Variants in SLC44A1 observed in about 807,000 individuals in gnomAD.
SLC44A1 encodes the protein choline transporter-like protein 1.
Under a neutral mutation model 79.3 loss-of-function variants are expected in SLC44A1, and 26 were observed. The ratio of observed to expected loss-of-function variants is 0.33; its 90% CI spans 0.24 to 0.46. SLC44A1 has a LOEUF of 0.46. Ranked by LOEUF, SLC44A1 falls within the 20% of genes least tolerant of loss-of-function variation. The probability of loss-of-function intolerance (pLI) is 1.00; values close to 1 mark genes in which losing one functional copy is unlikely to be tolerated. For synonymous variants in SLC44A1, 263 were observed against 286.2 expected (o/e 0.92, Z 0.82); for missense variants, 688 against 798.1 (o/e 0.86, Z 1.66).
At chr9:105,313,230 G>A (rs1056375567) in intron 3 of SLC44A1, among the ~76,000 whole-genome samples, 1 of 152,136 alleles carries the variant, frequency 6.6e-6, no homozygotes, top group South Asian at 2.1e-4. Context: ...TTACCTGAAC[G>A]TCCCTATATT....
chr9:105,257,676 A>G (rs1193047346), intron 1 of SLC44A1, among the ~76,000 whole-genome samples: 2 of 152,242 alleles, frequency 1.3e-5, no homozygotes, highest in African/African-American at 2.4e-5. Context: ...CCTGAAAATG[A>G]TTCTCCAGCA....
chr9:105,433,097 A>G (rs1308377926), intron 15 of SLC44A1, among the ~76,000 whole-genome samples: 1 of 152,066 alleles, frequency 6.6e-6, no homozygotes, highest in East Asian at 1.9e-4. Flanking sequence ...GGAGTTCAAG[A>G]CCAGCCTGGC....
intron 1 of SLC44A1, among the ~76,000 whole-genome samples, chr9:105,292,089 C>T (rs571157519): frequency 9.9e-5 from 15 of 152,242 alleles, no homozygotes; most frequent in Admixed American, 6.5e-4. Flanking sequence ...ACTTCTCTTC[C>T]CTGGGACCAG....
intron 15 of SLC44A1, among the ~76,000 whole-genome samples, chr9:105,426,545 G>A (rs894484989): frequency 6.6e-6 from 1 of 152,166 alleles, no homozygotes; most frequent in Non-Finnish European, 1.5e-5. Flanking sequence ...GCTTTTAGGA[G>A]TGAGTTATCA....
At chr9:105,419,914 CAAAA>C (rs59244219) in intron 15 of SLC44A1, among the ~76,000 whole-genome samples, 16 of 53,444 alleles carry the variant, frequency 3.0e-4, no homozygotes, top group Non-Finnish European at 4.8e-4. Flanking sequence ...AACTCTGTCT[CAAAA>C]AAAAAAAAAA....
In SLC44A1 at chr9:105,362,805, C is replaced by A; in HGVS notation, c.901-16C>A. ...CACTACTTATAATAATAACTGAAAC[C>A]ATTCTCTCCATACAGGTGATCTTAT... On this transcript the variant is annotated splice_polypyrimidine_tract_variant and intron_variant, in intron 8 of 15. Transcript: ENST00000374720. 2.0e-6 allele frequency: 3 copies of A among 1,515,558 alleles called. No homozygotes were observed. Among genetic ancestry groups the A allele is most frequent in the Admixed American group, 2.3e-5 (1 of 44,410 alleles). 93.9% of individuals were successfully genotyped at this position (1,515,558 alleles called of 1,614,324 possible).
At chr9:105,413,547 C>G (rs1829126402) in intron 15 of SLC44A1, among the ~76,000 whole-genome samples, 1 of 152,244 alleles carries the variant, frequency 6.6e-6, no homozygotes, top group African/African-American at 2.4e-5. Context: ...TAGAAGGAGC[C>G]TGGTTCCCAG....
At chr9:105,398,478 T>A (rs1828915358), downstream of SLC44A1, among the ~76,000 whole-genome samples, 1 of 152,176 alleles carries the variant, frequency 6.6e-6, no homozygotes, top group South Asian at 2.1e-4. Flanking sequence ...CAGATTTACG[T>A]AATTTCTATT....
At chr9:105,275,145 AGT>A in intron 1 of SLC44A1, among the ~76,000 whole-genome samples, 1 of 152,346 alleles carries the variant, frequency 6.6e-6, no homozygotes, top group African/African-American at 2.4e-5. Context: ...GCTTGGAGCT[AGT>A]CTTGACAGGA....
At chr9:105,346,371 G>A (rs1218698887) in intron 4 of SLC44A1, among the ~76,000 whole-genome samples, 1 of 152,064 alleles carries the variant, frequency 6.6e-6, no homozygotes, top group African/African-American at 2.4e-5. Flanking sequence ...AAGAAGGGGT[G>A]GGGATAGAGA....
chr9:105,413,397 C>G (rs563253542), intron 15 of SLC44A1, among the ~76,000 whole-genome samples: 1 of 152,300 alleles, frequency 6.6e-6, no homozygotes, highest in Admixed American at 6.5e-5. Context: ...TTTCGCCTTC[C>G]CAATATAGGT....
chr9:105,270,642 T>G (rs892758909), intron 1 of SLC44A1, among the ~76,000 whole-genome samples: 1 of 152,006 alleles, frequency 6.6e-6, no homozygotes, highest in African/African-American at 2.4e-5. Context: ...ACTTCCTCCC[T>G]CAGTTCTACA....
chr9:105,426,999 G>A (rs1829331015), intron 15 of SLC44A1, among the ~76,000 whole-genome samples: 2 of 151,008 alleles, frequency 1.3e-5, no homozygotes, highest in South Asian at 4.2e-4. Context: ...ACAGTGGTGC[G>A]ATCATGGCTC....
intron 8 of SLC44A1, 37 bp from the exon 9 acceptor site, chr9:105,362,784 A>C (rs752622142): frequency 2.0e-6 from 3 of 1,464,872 alleles, no homozygotes; most frequent in South Asian, 2.9e-5. Flanking sequence ...TGTTTTCACT[A>C]CTTATAATAA....
At chr9:105,437,024 T>G (rs1305362156) in intron 15 of SLC44A1, among the ~76,000 whole-genome samples, 2 of 152,174 alleles carry the variant, frequency 1.3e-5, no homozygotes, top group African/African-American at 2.4e-5. Flanking sequence ...GGACTGTATC[T>G]CGTTACTTCT....
At chr9:105,382,427 C>T (rs1280694462) in intron 13 of SLC44A1, among the ~76,000 whole-genome samples, 1 of 152,130 alleles carries the variant, frequency 6.6e-6, no homozygotes, top group Non-Finnish European at 1.5e-5. Flanking sequence ...CCTCTTTCTT[C>T]ACAGAGAGTC....
intron 15 of SLC44A1, among the ~76,000 whole-genome samples, chr9:105,435,227 A>T (rs936728692): frequency 2.6e-5 from 4 of 152,298 alleles, no homozygotes; most frequent in African/African-American, 4.8e-5. Context: ...TGGAACTGAA[A>T]AGGACATCAG....
At chr9:105,298,008 C>T (rs975128054) in intron 1 of SLC44A1, among the ~76,000 whole-genome samples, 5 of 151,722 alleles carry the variant, frequency 3.3e-5, no homozygotes, top group Admixed American at 6.6e-5. Context: ...GTGTGAGACT[C>T]GGGCATTTTT....
Position 105,396,931 on chromosome 9 carries a change from G to C in SLC44A1, c.*7875G>C. On this transcript the variant is annotated 3_prime_UTR_variant, in exon 16 of 16. Coordinates refer to ENST00000374720, the MANE Select transcript of SLC44A1 (RefSeq NM_080546.5). ...TTCATGTGGGGGAACAAACATGTAGGTGCTTGAACATGCCCCACAGACACA... is the reference window on the plus strand; with the variant it reads ...TTCATGTGGGGGAACAAACATGTAGCTGCTTGAACATGCCCCACAGACACA... The C allele has an allele frequency of 1.0e-6, 1 of 985,026 alleles. No individual in the cohort carries two copies. Among genetic ancestry groups the C allele is most frequent in the Non-Finnish European group, 1.2e-6 (1 of 829,632 alleles). 61.0% of individuals were successfully genotyped at this position (985,026 alleles called of 1,614,324 possible).
Sources: gnomAD v4.1 joint callset for allele counts (sites outside exome capture counted in the v4.1 genomes callset) on GRCh38, gnomAD v4.1.1 for gene constraint, MANE v1.5 for transcripts, NCBI Gene and HGNC (gene_info 2026-07-23, HGNC 2026-07-21) for gene names.